The following DNMT3A variants were observed in gnomAD, a reference collection of about 807,000 sequenced individuals.
DNMT3A encodes DNA methyltransferase 3 alpha, also known as DNA (cytosine-5)-methyltransferase 3A.
Under a neutral mutation model 117.6 loss-of-function variants are expected in DNMT3A, and 267 were observed. The ratio of observed to expected loss-of-function variants is 2.27; its 90% CI spans 2.05 to 2.51. The LOEUF (loss-of-function observed/expected upper bound fraction) is 2.51. DNMT3A is among the 30% of genes most tolerant of loss of function. The probability of loss-of-function intolerance (pLI) is 0.00; values close to 1 mark genes in which losing one functional copy is unlikely to be tolerated. For synonymous variants in DNMT3A, 432 were observed against 474.8 expected (o/e 0.91, Z 1.17); for missense variants, 1,029 against 1,260.2 (o/e 0.82, Z 2.78).
At chr2:25,299,468 C>G (rs1443663525) in intron 3 of DNMT3A, among the ~76,000 whole-genome samples, 2 of 152,208 alleles carry the variant, frequency 1.3e-5, no homozygotes, top group African/African-American at 4.8e-5. Context: ...AGGGAGGGGC[C>G]TTCATAGATA....
intron 1 of DNMT3A, among the ~76,000 whole-genome samples, chr2:25,336,794 C>T (rs1429633670): frequency 6.6e-6 from 1 of 152,182 alleles, no homozygotes; most frequent in Non-Finnish European, 1.5e-5. Context: ...GTCCACCTCC[C>T]GGGCACTACA....
At position 25,229,795 on chromosome 2, in the gene DNMT3A, A is replaced by G. The variant is rs1015492438; in HGVS notation, c.*4484T>C. The stretch of plus-strand genomic sequence containing the variant: ...TGCCTCCCAAATGTACTCTATTTAT[A>G]TAAGCAAAACTATGAAATGAATGAC... On this transcript the variant is annotated 3_prime_UTR_variant, in exon 23 of 23. Coordinates refer to ENST00000321117, the MANE Select transcript of DNMT3A (RefSeq NM_022552.5). 2 of 152,272 alleles carry G rather than the reference A, an allele frequency of 1.3e-5. No homozygotes were observed. The highest frequency in any genetic ancestry group is 1.3e-4 in the Admixed American group (2 of 15,292). The allele number at this position is 152,272 out of a possible 1,614,324, so 9.4% of individuals were successfully genotyped here. A position where few individuals can be genotyped will look rare whatever the true frequency, so the allele number is the denominator to read the frequency against.
intron 6 of DNMT3A, among the ~76,000 whole-genome samples, chr2:25,253,006 GCCTTC>G (rs1367396546): frequency 6.6e-6 from 1 of 152,176 alleles, no homozygotes; most frequent in Non-Finnish European, 1.5e-5. Context: ...GTCACTCTGG[GCCTTC>G]CCTGGATTTC....
At position 25,240,360 on chromosome 2, in the gene DNMT3A, A is replaced by G. The variant is rs536841393; in HGVS notation, c.2264T>C (p.Phe755Ser). 1.5e-5 allele frequency: 25 copies of G among 1,614,064 alleles called. No individual in the cohort carries two copies. The highest frequency in any genetic ancestry group is 2.2e-5 in the South Asian group (2 of 91,076). Residue 755 changes from phenylalanine (F) to serine (S), a missense_variant, in exon 19 of 23, where the codon TTT (phenylalanine) becomes TCT (serine). By Grantham distance (155) the Phe-to-Ser change is radical. Transcript: ENST00000321117. ...EGDDRPFFWLFENVVAMGVSD... is the reference protein window; with the variant it reads ...EGDDRPFFWLSENVVAMGVSD... ...AACGCCCATGGCCACCACATTCTCA[A>G]AGAGCCAGAAGAAGGGGCGATCATC...
At chr2:25,321,714 T>A (rs1396942920) in intron 1 of DNMT3A, among the ~76,000 whole-genome samples, 1 of 152,182 alleles carries the variant, frequency 6.6e-6, no homozygotes, top group Non-Finnish European at 1.5e-5. Context: ...AGGGAGATCC[T>A]GTCTCTACAA....
intron 4 of DNMT3A, among the ~76,000 whole-genome samples, chr2:25,277,671 T>C (rs1364255935): frequency 6.6e-6 from 1 of 152,214 alleles, no homozygotes; most frequent in Non-Finnish European, 1.5e-5. Flanking sequence ...CGGATAATTA[T>C]TTATTCATTA....
intron 2 of DNMT3A, among the ~76,000 whole-genome samples, chr2:25,309,174 T>G (rs2033948573): frequency 6.6e-6 from 1 of 152,162 alleles, no homozygotes; most frequent in Non-Finnish European, 1.5e-5. Context: ...CCTACCCCTC[T>G]ACTAGGCCCT....
At position 25,254,036 on chromosome 2, in the gene DNMT3A, C is replaced by T. The variant is rs1300251708; in HGVS notation, c.640-5784G>A. On this transcript the variant is annotated intron_variant, in intron 6 of 22. Coordinates refer to ENST00000321117, the MANE Select transcript of DNMT3A (RefSeq NM_022552.5). This position sits in a 1 kb window ranked among gnomAD's most constrained non-coding sequence, Gnocchi z 4.7. The stretch of plus-strand genomic sequence containing the variant: ...GCAGTGAGCCGAGATCATGCCACTG[C>T]ACTCCAGCCTGGGCAACAGAGCGAG... Among the ~76,000 whole-genome samples the T allele has an allele frequency of 6.6e-6, 1 of 150,396 alleles. No individual in the cohort carries two copies. The highest frequency in any genetic ancestry group is 1.5e-5 in the Non-Finnish European group (1 of 67,828).
chr2:25,314,403 G>A (rs1373570608), intron 1 of DNMT3A: 3 of 985,186 alleles, frequency 3.0e-6, no homozygotes, highest in Non-Finnish European at 3.6e-6. Context: ...CGGCCAATGG[G>A]TGCCACTTCT....
intron 2 of DNMT3A, among the ~76,000 whole-genome samples, chr2:25,310,847 C>T (rs74370157): frequency 5.1e-4 from 77 of 152,268 alleles, no homozygotes; most frequent in Non-Finnish European, 8.5e-4. Context: ...TCCCATCCCC[C>T]GAGTTCTGGC....
At chr2:25,262,227 A>G (rs903414282) in intron 6 of DNMT3A, among the ~76,000 whole-genome samples, 2 of 150,014 alleles carry the variant, frequency 1.3e-5, no homozygotes, top group African/African-American at 4.9e-5. Flanking sequence ...CATTGACACC[A>G]ATCTGCTGGC....
intron 1 of DNMT3A, among the ~76,000 whole-genome samples, chr2:25,319,620 C>G (rs990932362): frequency 6.6e-6 from 1 of 152,246 alleles, no homozygotes; most frequent in African/African-American, 2.4e-5. Flanking sequence ...CCAGAGAGGG[C>G]CAGCCTTCCC....
chr2:25,285,104 T>G (rs2032201369), intron 3 of DNMT3A, among the ~76,000 whole-genome samples: 1 of 152,160 alleles, frequency 6.6e-6, no homozygotes. Context: ...GGGACGGAGT[T>G]CCAGAAGTGG....
chr2:25,250,285 T>C (rs988083807), intron 6 of DNMT3A, among the ~76,000 whole-genome samples: 1 of 152,194 alleles, frequency 6.6e-6, no homozygotes, highest in African/African-American at 2.4e-5. Context: ...AGTCTTTGCC[T>C]CCAAGCCACA....
chr2:25,273,540 CTT>C (rs1164492392), intron 6 of DNMT3A, among the ~76,000 whole-genome samples: 4 of 152,184 alleles, frequency 2.6e-5, no homozygotes, highest in Non-Finnish European at 4.4e-5. Context: ...AGTTTCCTCT[CTT>C]TTCCTGTGCA....
At chr2:25,301,605 A>C (rs2033521006) in intron 2 of DNMT3A, among the ~76,000 whole-genome samples, 1 of 151,740 alleles carries the variant, frequency 6.6e-6, no homozygotes, top group African/African-American at 2.4e-5. Context: ...CTGCCTCACT[A>C]CTCCAGCCTG....
upstream of DNMT3A, chr2:25,342,034 C>T (rs1458664915): frequency 3.9e-5 from 29 of 735,956 alleles, no homozygotes; most frequent in Admixed American, 1.3e-4. The surrounding 1 kb of genome is among the most constrained non-coding windows in gnomAD (Gnocchi z 5.9). Flanking sequence ...CCCCCTCCCA[C>T]CCCTTCTCTC....
intron 2 of DNMT3A, among the ~76,000 whole-genome samples, chr2:25,307,727 C>G (rs13425457): frequency 2.0e-3 from 297 of 152,286 alleles, no homozygotes; most frequent in African/African-American, 7.0e-3. Flanking sequence ...TGGCCTCCCA[C>G]AGTGCTGGGA....
chr2:25,325,299 G>A (rs2034743310), intron 1 of DNMT3A, among the ~76,000 whole-genome samples: 1 of 152,222 alleles, frequency 6.6e-6, no homozygotes, highest in East Asian at 1.9e-4. Context: ...CTGTGGGTCA[G>A]ATGGGCTTCC....
Sources: allele counts gnomAD v4.1 joint callset (sites outside exome capture counted in the v4.1 genomes callset), GRCh38; gene constraint gnomAD v4.1.1; non-coding constraint Gnocchi (gnomAD v3.1); transcripts MANE v1.5; gene names NCBI Gene and HGNC (gene_info 2026-07-23, HGNC 2026-07-21).